The following TLE4 variants were observed in gnomAD, a reference collection of about 807,000 sequenced individuals.
The protein encoded by TLE4 is TLE family member 4, transcriptional corepressor.
In TLE4, 8 loss-of-function variants were observed where a neutral mutation model predicts 92.8. That is an observed-to-expected ratio of 0.09 (90% CI 0.05 to 0.16). The LOEUF (loss-of-function observed/expected upper bound fraction) is 0.16. Among genes scored for constraint, TLE4 ranks in the 10% least tolerant of loss-of-function variants. The pLI, the probability that TLE4 is intolerant of heterozygous loss-of-function variation, is 1.00. For synonymous variants in TLE4, 371 were observed against 374.1 expected, an observed-to-expected ratio of 0.99 and a Z score of 0.10; for missense variants, 675 against 997.6, an observed-to-expected ratio of 0.68 and a Z score of 4.36.
rs546325292 is a variant in TLE4, at chr9:79,712,896, C to T, written c.1340+3197C>T. ...AACACAGCAAAAATAAAAGATCTCA[C>T]GTTAGTGGATTATAGGCTGCTCACA... On this transcript the variant is annotated intron_variant, in intron 14 of 19. Transcript: ENST00000376552. Among the ~76,000 whole-genome samples, 10 of 152,260 alleles carry T rather than the reference C, an allele frequency of 6.6e-5. No individual in the cohort carries two copies. The South Asian group carries it at 1.7e-3, about 25-fold the overall frequency.
At chr9:79,607,567 A>G (rs1408990562) in intron 4 of TLE4, among the ~76,000 whole-genome samples, 1 of 152,112 alleles carries the variant, frequency 6.6e-6, no homozygotes, top group Non-Finnish European at 1.5e-5. Flanking sequence ...TAAGGAAGGG[A>G]TCCAGTTTCA....
intron 4 of TLE4, among the ~76,000 whole-genome samples, chr9:79,577,084 G>A (rs1400188490): frequency 6.6e-6 from 1 of 152,060 alleles, no homozygotes; most frequent in African/African-American, 2.4e-5. Flanking sequence ...AGCCATTTCA[G>A]AATAGGTGTG....
At chr9:79,718,681 T>C in intron 14 of TLE4, 41 bp from the exon 15 acceptor site, 2 of 1,578,622 alleles carry the variant, frequency 1.3e-6, no homozygotes, top group South Asian at 1.1e-5. Context: ...GTGACATTTT[T>C]TTACATTCCC....
In TLE4 at chr9:79,702,412, A is replaced by G. The variant is rs79217117; in HGVS notation, c.610-2371A>G. On this transcript the variant is annotated intron_variant, in intron 8 of 19. Coordinates refer to ENST00000376552, the MANE Select transcript of TLE4 (RefSeq NM_007005.6). ...TATGGTAGATAGTAACCCACAGATG[A>G]TGATTGCATGCATGGTTTCAGTGGT... 7.9e-3 allele frequency among the ~76,000 whole-genome samples: 1,204 copies of G among 152,252 alleles called. 11 individuals are homozygous for G. The highest frequency in any genetic ancestry group is 0.011 in the Non-Finnish European group (722 of 68,020).
intron 4 of TLE4, among the ~76,000 whole-genome samples, chr9:79,607,884 T>G (rs2047461079): frequency 6.6e-6 from 1 of 150,674 alleles, no homozygotes; most frequent in African/African-American, 2.4e-5. Flanking sequence ...CAATGCGGGC[T>G]TTTTTTTTGG....
intron 5 of TLE4, among the ~76,000 whole-genome samples, chr9:79,623,484 A>T (rs932572654): frequency 1.3e-5 from 2 of 152,178 alleles, no homozygotes; most frequent in Admixed American, 1.3e-4. Context: ...TAATTTTATG[A>T]TGATGGAAGT....
intron 5 of TLE4, among the ~76,000 whole-genome samples, chr9:79,613,197 T>A (rs1246738064): frequency 6.6e-6 from 1 of 152,136 alleles, no homozygotes; most frequent in African/African-American, 2.4e-5. Context: ...CCTGATTAAG[T>A]CTTTATATTA....
At chr9:79,623,704 T>TG (rs2051692062) in intron 5 of TLE4, among the ~76,000 whole-genome samples, 1 of 151,684 alleles carries the variant, frequency 6.6e-6, no homozygotes, top group Non-Finnish European at 1.5e-5. Flanking sequence ...TAAGGGTTTT[T>TG]TTTTTTTTTT....
chr9:79,606,354 C>A, intron 4 of TLE4, among the ~76,000 whole-genome samples: 1 of 137,730 alleles, frequency 7.3e-6, no homozygotes, highest in South Asian at 2.3e-4. Flanking sequence ...TTAAGAATAC[C>A]TAAGATTAGT....
chr9:79,592,711 G>T (rs112418308), intron 4 of TLE4, among the ~76,000 whole-genome samples: 2 of 152,166 alleles, frequency 1.3e-5, no homozygotes, highest in African/African-American at 4.8e-5. Flanking sequence ...AGTAGGTACA[G>T]AATACTCAAA....
chr9:79,661,364 G>A (rs571937017), intron 8 of TLE4, among the ~76,000 whole-genome samples: 4 of 152,090 alleles, frequency 2.6e-5, no homozygotes, highest in Non-Finnish European at 5.9e-5. Context: ...TATGTATTTT[G>A]TTCTGTGGTG....
chr9:79,658,736 C>T (rs567644929), intron 8 of TLE4, among the ~76,000 whole-genome samples: 32 of 152,228 alleles, frequency 2.1e-4, no homozygotes, highest in Non-Finnish European at 4.0e-4. Context: ...AGATAACTTG[C>T]TGGGATAAAT....
chr9:79,584,606 C>T (rs184521098), intron 4 of TLE4, among the ~76,000 whole-genome samples: 98 of 152,094 alleles, frequency 6.4e-4, no homozygotes, highest in African/African-American at 2.2e-3. Context: ...GATGCTGGTG[C>T]GCAATAAAAT....
intron 15 of TLE4, 97 bp from the exon 16 acceptor site, chr9:79,719,949 C>T (rs1438510355): frequency 4.8e-6 from 7 of 1,466,710 alleles, no homozygotes; most frequent in Middle Eastern, 2.1e-4. Context: ...CTCATTAAAC[C>T]AGGAGGGAAC....
At chr9:79,600,175 T>C (rs1160491384) in intron 4 of TLE4, among the ~76,000 whole-genome samples, 1 of 152,234 alleles carries the variant, frequency 6.6e-6, no homozygotes, top group African/African-American at 2.4e-5. Flanking sequence ...AAAAGCAACC[T>C]GAAGTACATT....
intron 6 of TLE4, among the ~76,000 whole-genome samples, chr9:79,642,172 C>G (rs1272028756): frequency 6.6e-6 from 1 of 151,300 alleles, no homozygotes; most frequent in Non-Finnish European, 1.5e-5. Context: ...GTTCTAAGAT[C>G]AAATGCAGGA....
intron 6 of TLE4, among the ~76,000 whole-genome samples, chr9:79,637,224 G>A (rs1361696755): frequency 6.6e-6 from 1 of 152,160 alleles, no homozygotes; most frequent in Non-Finnish European, 1.5e-5. Context: ...AAATATAGTA[G>A]ATGTTATTGA....
intron 8 of TLE4, among the ~76,000 whole-genome samples, chr9:79,698,701 A>G (rs1322405025): frequency 6.6e-6 from 1 of 152,028 alleles, no homozygotes; most frequent in Non-Finnish European, 1.5e-5. Flanking sequence ...GAGCTCTACT[A>G]TATTCAAGTT....
chr9:79,618,425 G>A (rs753139207), intron 5 of TLE4, among the ~76,000 whole-genome samples: 18 of 152,188 alleles, frequency 1.2e-4, no homozygotes, highest in East Asian at 1.9e-4. Flanking sequence ...ATTCATAGGG[G>A]ATGGAAAAGA....
Sources: allele counts gnomAD v4.1 joint callset (sites outside exome capture counted in the v4.1 genomes callset), GRCh38; gene constraint gnomAD v4.1.1; transcripts MANE v1.5; gene names NCBI Gene and HGNC (gene_info 2026-07-23, HGNC 2026-07-21).